Variants in COL15A1 observed in about 807,000 individuals in gnomAD.
COL15A1 encodes the protein collagen alpha-1(XV) chain.
In COL15A1, 111 loss-of-function variants were observed where a neutral mutation model predicts 165.9. The ratio of observed to expected loss-of-function variants is 0.67; its 90% CI spans 0.57 to 0.78. The LOEUF (loss-of-function observed/expected upper bound fraction) is 0.78, where lower values mean the gene tolerates loss of function less well. COL15A1 is among the 30% of genes least tolerant of loss of function. The probability of loss-of-function intolerance (pLI) is 0.00; values close to 1 mark genes in which losing one functional copy is unlikely to be tolerated. For missense variants in COL15A1, 1,745 were observed against 1,789.7 expected (o/e 0.98, Z 0.45); for synonymous variants, 659 against 674.8 (o/e 0.98, Z 0.36).
At chr9:98,959,227 C>CAAAAAAA (rs60892848) in intron 2 of COL15A1, among the ~76,000 whole-genome samples, 14 of 73,048 alleles carry the variant, frequency 1.9e-4, no homozygotes, top group African/African-American at 3.7e-4. Flanking sequence ...CCTGTCTCTA[C>CAAAAAAA]AAAAAAAAAA....
In COL15A1 at chr9:99,051,616, G is replaced by A. The variant is rs1241503358; in HGVS notation, c.2905-772G>A. Among the ~76,000 whole-genome samples, 4 of 152,138 alleles carry A rather than the reference G, an allele frequency of 2.6e-5. No individual in the cohort carries two copies. In the East Asian group the frequency reaches 7.7e-4, roughly 29 times the overall value. ...AGCTGCAACTTTCATCCTTAACTTA[G>A]AAATGTTTTTCCTGGTAGATTTCCT... On this transcript the variant is annotated intron_variant, in intron 30 of 41. Transcript: ENST00000375001.
intron 9 of COL15A1, among the ~76,000 whole-genome samples, chr9:99,012,985 C>A (rs1249571056): frequency 6.6e-6 from 1 of 152,082 alleles, no homozygotes; most frequent in Non-Finnish European, 1.5e-5. Flanking sequence ...CAGGCATGAA[C>A]CACCGTGCCC....
At chr9:99,056,451 T>C (rs1314120198) in intron 35 of COL15A1, 47 bp downstream of exon 35, 5 of 1,540,750 alleles carry the variant, frequency 3.2e-6, no homozygotes, top group Non-Finnish European at 3.5e-6. Flanking sequence ...CCTACCATTG[T>C]GTTCAAGGTC....
intron 19 of COL15A1, 72 bp from the exon 20 acceptor site, chr9:99,036,098 T>C (rs1839296369): frequency 8.0e-7 from 1 of 1,244,142 alleles, no homozygotes; most frequent in Non-Finnish European, 1.2e-6. Flanking sequence ...TAGGGGGAGA[T>C]GGTGAGACAA....
chr9:98,982,782 C>T (rs547847176), intron 2 of COL15A1, among the ~76,000 whole-genome samples: 1 of 152,188 alleles, frequency 6.6e-6, no homozygotes, highest in Admixed American at 6.5e-5. Flanking sequence ...GCGGGGACTA[C>T]AGGTGCACAC....
chr9:98,983,681 T>C (rs1319230351), intron 2 of COL15A1, among the ~76,000 whole-genome samples: 1 of 152,248 alleles, frequency 6.6e-6, no homozygotes, highest in Non-Finnish European at 1.5e-5. Flanking sequence ...CATTGACCTC[T>C]TGAGATTGTT....
At position 99,010,092 on chromosome 9, in the gene COL15A1, G is replaced by A. The variant is rs145154850; in HGVS notation, c.1353+5042G>A. ...GAGTTGAATAGCTTTAATTTTTGGCGCTATGTCTCACGAACGCAGTTTATT... is the reference window on the plus strand; with the variant it reads ...GAGTTGAATAGCTTTAATTTTTGGCACTATGTCTCACGAACGCAGTTTATT... On this transcript the variant is annotated intron_variant, in intron 9 of 41. Transcript: ENST00000375001. Among the ~76,000 whole-genome samples, 493 of 152,252 alleles carry A rather than the reference G, an allele frequency of 3.2e-3. 1 individual carries two copies. The highest frequency in any genetic ancestry group is 5.9e-3 in the Non-Finnish European group (399 of 68,022).
In COL15A1 at chr9:99,035,433, A is replaced by G; in HGVS notation, c.2289+15A>G. On this transcript the variant is annotated intron_variant, in intron 19 of 41. Coordinates refer to ENST00000375001, the MANE Select transcript of COL15A1 (RefSeq NM_001855.5). ...CGGCTGCAATTGTAGGTCGCCTCTG[A>G]AACCTTCATTATGAGGGTTGTCACA... 1 of 1,614,010 alleles carries G rather than the reference A, an allele frequency of 6.2e-7. No homozygotes were observed. Among genetic ancestry groups the G allele is most frequent in the Non-Finnish European group, 8.5e-7 (1 of 1,180,018 alleles).
intron 2 of COL15A1, among the ~76,000 whole-genome samples, chr9:98,977,553 T>G (rs532763941): frequency 6.6e-6 from 1 of 152,246 alleles, no homozygotes; most frequent in African/African-American, 2.4e-5. Flanking sequence ...GGACAGTGGA[T>G]GTGGAAGGAT....
intron 38 of COL15A1, 133 bp from the exon 39 acceptor site, chr9:99,062,917 A>T: frequency 9.8e-7 from 1 of 1,024,856 alleles, no homozygotes; most frequent in Non-Finnish European, 1.4e-6. Flanking sequence ...TACAGTTAAG[A>T]GTCACAGTTA....
intron 35 of COL15A1, 119 bp downstream of exon 35, chr9:99,056,523 C>CTTCTTTCTT (rs1825722694): frequency 1.1e-5 from 16 of 1,392,404 alleles, no homozygotes; most frequent in Non-Finnish European, 1.5e-5. Context: ...TGGATACCGC[C>CTTCTTTCTT]TTCTTTCTTT....
At position 99,069,687 on chromosome 9, in the gene COL15A1, T is replaced by C. The variant is rs140420616; in HGVS notation, c.3968T>C (p.Ile1323Thr). Residue 1323 changes from isoleucine to threonine, a missense_variant, in exon 42 of 42, where the codon ATT becomes ACT. Physicochemically the swap from Ile to Thr is moderately conservative, Grantham distance 89. Transcript: ENST00000375001. ...TTACTTTATAGGCCCCAGAAAGTCA[T>C]TTGGCATGGCTCCAGCCCCCATGGC... ...MTDPSWPQKV[I>T]WHGSSPHGVR... 61 of 1,600,398 alleles carry C rather than the reference T, an allele frequency of 3.8e-5. No homozygotes were observed. The highest frequency in any genetic ancestry group is 4.8e-5 in the Non-Finnish European group (56 of 1,169,230).
intron 5 of COL15A1, among the ~76,000 whole-genome samples, chr9:98,993,537 C>G (rs917876273): frequency 6.6e-6 from 1 of 152,254 alleles, no homozygotes; most frequent in Non-Finnish European, 1.5e-5. Context: ...AGTTCACGCT[C>G]TTCCACATGC....
chr9:98,985,331 A>G (rs1360006439), intron 2 of COL15A1, among the ~76,000 whole-genome samples: 1 of 152,170 alleles, frequency 6.6e-6, no homozygotes, highest in East Asian at 1.9e-4. Flanking sequence ...GTTCTATGAA[A>G]CTTCTGTTTC....
At position 99,061,970 on chromosome 9, in the gene COL15A1, G is replaced by T; in HGVS notation, c.3403-1G>T. On this transcript the variant is annotated splice_acceptor_variant, in intron 36 of 41. Transcript: ENST00000375001. LOFTEE classifies it high-confidence loss of function. Reference sequence around the variant, plus strand: ...TGTTTGGAATTTAAATGATCTGACAGGTCACAGCATTCAGCAACATGGATG... The same window carrying T: ...TGTTTGGAATTTAAATGATCTGACATGTCACAGCATTCAGCAACATGGATG... 1 of 1,611,524 alleles carries T rather than the reference G, an allele frequency of 6.2e-7. No individual in the cohort carries two copies.
chr9:98,983,447 G>A (rs1159368485), intron 2 of COL15A1, among the ~76,000 whole-genome samples: 5 of 152,202 alleles, frequency 3.3e-5, no homozygotes, highest in Admixed American at 1.3e-4. Context: ...GCCATGGCTC[G>A]AAAATGTCCT....
At chr9:99,010,135 C>T (rs1460554880) in intron 9 of COL15A1, among the ~76,000 whole-genome samples, 1 of 152,238 alleles carries the variant, frequency 6.6e-6, no homozygotes, top group African/African-American at 2.4e-5. Flanking sequence ...ACATCTTCTA[C>T]AGGATCTGTA....
chr9:99,022,485 T>C (rs1224513759), intron 13 of COL15A1, among the ~76,000 whole-genome samples: 1 of 152,182 alleles, frequency 6.6e-6, no homozygotes, highest in Non-Finnish European at 1.5e-5. Flanking sequence ...AGAAACATCC[T>C]TGAGTGGTCC....
At chr9:98,991,192 A>C (rs941934345) in intron 5 of COL15A1, among the ~76,000 whole-genome samples, 2 of 152,176 alleles carry the variant, frequency 1.3e-5, no homozygotes, top group African/African-American at 4.8e-5. Flanking sequence ...AAGCTTCCAC[A>C]ATGGGAAAAG....
Sources: gnomAD v4.1 joint callset for allele counts (sites outside exome capture counted in the v4.1 genomes callset) on GRCh38, gnomAD v4.1.1 for gene constraint, MANE v1.5 for transcripts, NCBI Gene and HGNC (gene_info 2026-07-23, HGNC 2026-07-21) for gene names.